SUSD6: variants seen among roughly 807,000 people sequenced by gnomAD.
SUSD6 encodes the protein sushi domain containing 6.
SUSD6 carries 16 observed loss-of-function variants against 28.4 expected under a neutral mutation model. The ratio of observed to expected loss-of-function variants is 0.56; its 90% CI spans 0.38 to 0.86. SUSD6 has a LOEUF of 0.86. Among genes scored for constraint, SUSD6 ranks in the 40% least tolerant of loss-of-function variants. The pLI is 0.00. For synonymous variants in SUSD6, 147 were observed against 159.6 expected, an observed-to-expected ratio of 0.92 and a Z score of 0.59; for missense variants, 341 against 384.2, an observed-to-expected ratio of 0.89 and a Z score of 0.94.
chr14:69,694,551 C>G (rs919395321), intron 2 of SUSD6, among the ~76,000 whole-genome samples: 2 of 152,188 alleles, frequency 1.3e-5, no homozygotes, highest in African/African-American at 4.8e-5. Flanking sequence ...GGGGTTCCAG[C>G]TGACTGCATG....
intron 2 of SUSD6, among the ~76,000 whole-genome samples, chr14:69,691,197 G>A (rs760299163): frequency 5.3e-5 from 8 of 152,120 alleles, no homozygotes; most frequent in Non-Finnish European, 8.8e-5. Flanking sequence ...CAAAAAATTA[G>A]CCGGACTTGG....
intron 1 of SUSD6, among the ~76,000 whole-genome samples, chr14:69,655,345 C>T (rs2139612463): frequency 6.6e-6 from 1 of 152,250 alleles, no homozygotes; most frequent in East Asian, 1.9e-4. Flanking sequence ...TAGGTTACTT[C>T]AGTCTTTTGC....
chr14:69,711,286 C>A lies in SUSD6; in HGVS notation c.*307C>A, dbSNP rs1050482196. 2.1e-5 allele frequency: 9 copies of A among 432,602 alleles called. No homozygotes were observed. Among genetic ancestry groups the A allele is most frequent in the African/African-American group, 4.0e-5 (2 of 49,932 alleles). The allele number at this position is 432,602 out of a possible 1,614,324, so 26.8% of individuals were successfully genotyped here. ...TTTTCCTAAGCCTCTGGGTCCCCTC[C>A]AGCCAGCTCTTTGGCGGCAGCCCCC... On this transcript the variant is annotated 3_prime_UTR_variant, in exon 6 of 6. Coordinates refer to ENST00000342745, the MANE Select transcript of SUSD6 (RefSeq NM_014734.4).
At chr14:69,696,449 G>T (rs1886226666) in intron 2 of SUSD6, among the ~76,000 whole-genome samples, 1 of 152,066 alleles carries the variant, frequency 6.6e-6, no homozygotes, top group Non-Finnish European at 1.5e-5. Flanking sequence ...TTTTTCTCTG[G>T]ATCTCTTTGC....
At chr14:69,708,556 G>A (rs1385857856) in intron 4 of SUSD6, 121 bp from the exon 5 acceptor site, 2 of 761,480 alleles carry the variant, frequency 2.6e-6, no homozygotes, top group Admixed American at 6.3e-5. Context: ...AAAATTCCTA[G>A]TGCTTTGCCT....
chr14:69,657,891 T>A (rs1885607297), intron 1 of SUSD6, among the ~76,000 whole-genome samples: 1 of 152,158 alleles, frequency 6.6e-6, no homozygotes, highest in Admixed American at 6.5e-5. Context: ...TGCAGCCCAT[T>A]CTCCATGCCT....
intron 2 of SUSD6, among the ~76,000 whole-genome samples, chr14:69,678,970 C>T (rs1212296952): frequency 6.6e-6 from 1 of 152,186 alleles, no homozygotes; most frequent in Non-Finnish European, 1.5e-5. Flanking sequence ...TCTGCATATT[C>T]TTCACAGTAA....
At chr14:69,649,265 A>G (rs2139607916) in intron 1 of SUSD6, among the ~76,000 whole-genome samples, 1 of 152,328 alleles carries the variant, frequency 6.6e-6, no homozygotes, top group East Asian at 1.9e-4. Context: ...ATATTAGCTG[A>G]ATTGCAGTAT....
intron 2 of SUSD6, among the ~76,000 whole-genome samples, chr14:69,689,257 T>C (rs1160433282): frequency 2.6e-5 from 4 of 152,254 alleles, no homozygotes; most frequent in Non-Finnish European, 4.4e-5. Flanking sequence ...TATAGTCGTT[T>C]ATTAGAAAGC....
At chr14:69,668,255 G>T (rs921218885) in intron 2 of SUSD6, among the ~76,000 whole-genome samples, 2 of 152,210 alleles carry the variant, frequency 1.3e-5, no homozygotes, top group Non-Finnish European at 2.9e-5. Flanking sequence ...AGAAGAGTAC[G>T]TTGCAGAGTA....
At chr14:69,633,363 G>T (rs1289850743) in intron 1 of SUSD6, among the ~76,000 whole-genome samples, 1 of 152,176 alleles carries the variant, frequency 6.6e-6, no homozygotes, top group Non-Finnish European at 1.5e-5. Context: ...ATTTCAGAAT[G>T]GAGTTTATTT....
intron 1 of SUSD6, among the ~76,000 whole-genome samples, chr14:69,626,014 T>C (rs1280598653): frequency 6.6e-6 from 1 of 152,176 alleles, no homozygotes; most frequent in Non-Finnish European, 1.5e-5. Context: ...ACAATCTGCC[T>C]GTTTGTGGGA....
At chr14:69,666,431 C>T (rs942263024) in intron 2 of SUSD6, among the ~76,000 whole-genome samples, 12 of 152,258 alleles carry the variant, frequency 7.9e-5, no homozygotes, top group African/African-American at 2.9e-4. Context: ...ATGAGAATGC[C>T]AAGGATCTGT....
At chr14:69,633,916 G>C (rs1885229532) in intron 1 of SUSD6, among the ~76,000 whole-genome samples, 1 of 152,242 alleles carries the variant, frequency 6.6e-6, no homozygotes, top group African/African-American at 2.4e-5. Flanking sequence ...TGGGAGTGCA[G>C]TTCCCAGTAG....
intron 1 of SUSD6, among the ~76,000 whole-genome samples, chr14:69,627,707 G>A (rs1412414573): frequency 3.3e-5 from 5 of 151,870 alleles, no homozygotes; most frequent in African/African-American, 1.2e-4. Flanking sequence ...CTCATGATCC[G>A]CCTGCCTCGG....
intron 2 of SUSD6, among the ~76,000 whole-genome samples, chr14:69,671,940 G>A (rs1468293344): frequency 6.6e-6 from 1 of 152,188 alleles, no homozygotes; most frequent in Non-Finnish European, 1.5e-5. Flanking sequence ...GGCCTTGGAG[G>A]AATAGTTAAG....
rs539268109 is a variant in SUSD6, at chr14:69,658,673, A to G, written c.81A>G (p.Leu27=). 5.0e-6 allele frequency: 8 copies of G among 1,614,060 alleles called. No homozygotes were observed. Among genetic ancestry groups the G allele is most frequent in the Non-Finnish European group, 6.8e-6 (8 of 1,179,962 alleles). The change falls in exon 2 of 6, where the codon CTA becomes CTG. Residue 27 remains leucine, a synonymous_variant. Transcript: ENST00000342745. Reference sequence around the variant, plus strand: ...TGGGACATGGAGTGTTCCTTCCGCTAGTGATCCTTTGCACCCTGCTTGGAG... The same window carrying G: ...TGGGACATGGAGTGTTCCTTCCGCTGGTGATCCTTTGCACCCTGCTTGGAG... ...ASVGHGVFLP[L]VILCTLLGDG...
At chr14:69,699,507 T>TCACA (rs550818798) in intron 2 of SUSD6, among the ~76,000 whole-genome samples, 42 of 151,520 alleles carry the variant, frequency 2.8e-4, no homozygotes, top group African/African-American at 9.9e-4. Flanking sequence ...CCCAGCCTTT[T>TCACA]CACATGTTCT....
At chr14:69,613,166 G>A (rs1884906871) in intron 1 of SUSD6, among the ~76,000 whole-genome samples, 1 of 152,174 alleles carries the variant, frequency 6.6e-6, no homozygotes, top group Admixed American at 6.5e-5. Flanking sequence ...GACTTACTGA[G>A]TACCAACCTT....
Sources: allele counts gnomAD v4.1 joint callset (sites outside exome capture counted in the v4.1 genomes callset), GRCh38; gene constraint gnomAD v4.1.1; transcripts MANE v1.5; gene names NCBI Gene and HGNC (gene_info 2026-07-23, HGNC 2026-07-21).